ATG10: variants seen among roughly 807,000 people sequenced by gnomAD.
ATG10 encodes autophagy related 10, also known as ubiquitin-like-conjugating enzyme ATG10.
A neutral mutation model predicts 32.1 loss-of-function variants in ATG10; 30 were observed. The observed-to-expected ratio is 0.94, with a 90% CI of 0.70 to 1.27. The LOEUF (loss-of-function observed/expected upper bound fraction) is 1.27. ATG10 is among the 50% of genes most tolerant of loss of function. ATG10 has a pLI of 0.00. For missense variants in ATG10, 233 were observed against 262.3 expected (o/e 0.89, Z 0.77); for synonymous variants, 87 against 91.5 (o/e 0.95, Z 0.28).
At chr5:81,988,945 C>A (rs1008019025) in intron 2 of ATG10, among the ~76,000 whole-genome samples, 5 of 152,206 alleles carry the variant, frequency 3.3e-5, no homozygotes, top group Non-Finnish European at 7.3e-5. Flanking sequence ...TCTCATGCCT[C>A]AGCCTCCCAA....
At chr5:82,128,348 T>A (rs976728828) in intron 3 of ATG10, among the ~76,000 whole-genome samples, 1 of 152,034 alleles carries the variant, frequency 6.6e-6, no homozygotes, top group Non-Finnish European at 1.5e-5. Context: ...AGCTGGTTAT[T>A]TTGCCAGTTA....
chr5:82,209,856 C>G (rs1037419001), intron 5 of ATG10, among the ~76,000 whole-genome samples: 1 of 152,160 alleles, frequency 6.6e-6, no homozygotes, highest in African/African-American at 2.4e-5. Context: ...CATATGTCTG[C>G]TATGCCTCTC....
intron 3 of ATG10, among the ~76,000 whole-genome samples, chr5:82,146,640 GGAC>G (rs1767372552): frequency 6.8e-6 from 1 of 147,550 alleles, no homozygotes; most frequent in African/African-American, 2.5e-5. Flanking sequence ...TCTTCAGATT[GGAC>G]GACTTCATTT....
At chr5:82,096,718 G>A (rs1765077367) in intron 3 of ATG10, among the ~76,000 whole-genome samples, 1 of 152,090 alleles carries the variant, frequency 6.6e-6, no homozygotes, top group African/African-American at 2.4e-5. Context: ...TGGTAATTTA[G>A]CATTTCATCC....
chr5:82,143,451 G>A (rs962708593), intron 3 of ATG10, among the ~76,000 whole-genome samples: 3 of 152,250 alleles, frequency 2.0e-5, no homozygotes, highest in African/African-American at 7.2e-5. Flanking sequence ...TCTGTGGGCT[G>A]AGGATGGCAG....
chr5:82,074,831 G>A (rs1436096343), intron 3 of ATG10, among the ~76,000 whole-genome samples: 5 of 152,136 alleles, frequency 3.3e-5, no homozygotes, highest in Admixed American at 1.3e-4. Flanking sequence ...CACACTTAGC[G>A]ATAGTCAGGA....
chr5:82,156,466 T>C (rs1767802426), intron 3 of ATG10, among the ~76,000 whole-genome samples: 1 of 152,148 alleles, frequency 6.6e-6, no homozygotes, highest in Non-Finnish European at 1.5e-5. Context: ...CTTTGCAGGC[T>C]AGAAAGAACC....
chr5:82,245,468 G>GA (rs1426189701), intron 5 of ATG10, among the ~76,000 whole-genome samples: 2 of 152,154 alleles, frequency 1.3e-5, no homozygotes, highest in South Asian at 2.1e-4. Flanking sequence ...GAATGTGACT[G>GA]AAAAAATAGT....
intron 2 of ATG10, among the ~76,000 whole-genome samples, chr5:82,022,428 A>C (rs1306608861): frequency 2.7e-5 from 4 of 149,818 alleles, no homozygotes; most frequent in Non-Finnish European, 5.9e-5. Flanking sequence ...TCCCAGGTTC[A>C]AGCAATTCTC....
chr5:82,252,942 C>T (rs2150032719), intron 6 of ATG10, among the ~76,000 whole-genome samples: 1 of 152,260 alleles, frequency 6.6e-6, no homozygotes, highest in African/African-American at 2.4e-5. Flanking sequence ...GGTCACACAG[C>T]TAGTTAAGTG....
At chr5:82,038,087 G>A (rs377070305) in intron 2 of ATG10, among the ~76,000 whole-genome samples, 2 of 152,198 alleles carry the variant, frequency 1.3e-5, no homozygotes, top group East Asian at 3.8e-4. Context: ...GTCTTAGCCT[G>A]AGTTTCCTCT....
intron 3 of ATG10, among the ~76,000 whole-genome samples, chr5:82,083,617 C>A (rs768043711): frequency 3.9e-5 from 6 of 152,138 alleles, no homozygotes; most frequent in African/African-American, 9.7e-5. Flanking sequence ...AACTGGGTGC[C>A]CCTCTGACAC....
At chr5:82,049,118 A>G (rs1377904171) in intron 2 of ATG10, among the ~76,000 whole-genome samples, 5 of 151,694 alleles carry the variant, frequency 3.3e-5, no homozygotes, top group Non-Finnish European at 5.9e-5. Context: ...TTGCGGCATT[A>G]TTCACAATAG....
chr5:82,141,200 A>G (rs569610381), intron 3 of ATG10, among the ~76,000 whole-genome samples: 1 of 149,496 alleles, frequency 6.7e-6, no homozygotes, highest in East Asian at 2.0e-4. Context: ...CCTCTGTGAG[A>G]AACACCCAAG....
At chr5:82,153,055 A>C (rs1767667496) in intron 3 of ATG10, among the ~76,000 whole-genome samples, 1 of 152,246 alleles carries the variant, frequency 6.6e-6, no homozygotes, top group South Asian at 2.1e-4. Context: ...TGTGTGCTGT[A>C]ATAGAAGCCT....
chr5:82,233,971 T>C (rs1561371143), intron 5 of ATG10, among the ~76,000 whole-genome samples: 1 of 151,996 alleles, frequency 6.6e-6, no homozygotes, highest in Non-Finnish European at 1.5e-5. Context: ...TAACAAAGGG[T>C]GATACATTTG....
intron 3 of ATG10, among the ~76,000 whole-genome samples, chr5:82,156,737 T>C (rs1454551599): frequency 1.3e-5 from 2 of 152,326 alleles, no homozygotes; most frequent in East Asian, 3.9e-4. Flanking sequence ...CTTCCTCTAG[T>C]TTGTCATGTT....
intron 2 of ATG10, among the ~76,000 whole-genome samples, chr5:82,005,493 C>G (rs1239038019): frequency 6.6e-6 from 1 of 152,116 alleles, no homozygotes; most frequent in Non-Finnish European, 1.5e-5. Context: ...CGGGGTTTCA[C>G]CATGTTGGCC....
At chr5:82,151,568 A>G (rs188586668) in intron 3 of ATG10, among the ~76,000 whole-genome samples, 2 of 151,948 alleles carry the variant, frequency 1.3e-5, no homozygotes, top group Non-Finnish European at 2.9e-5. Flanking sequence ...TTTAGTTAAC[A>G]TAGCTCTTAC....
Sources: allele counts gnomAD v4.1 joint callset (sites outside exome capture counted in the v4.1 genomes callset), GRCh38; gene constraint gnomAD v4.1.1; transcripts MANE v1.5; gene names NCBI Gene and HGNC (gene_info 2026-07-23, HGNC 2026-07-21).